Variants in SNTB2 observed in about 807,000 individuals in gnomAD.
SNTB2 encodes beta-2-syntrophin.
A neutral mutation model predicts 46.2 loss-of-function variants in SNTB2; 34 were observed. The ratio of observed to expected loss-of-function variants is 0.74; its 90% CI spans 0.56 to 0.98. The LOEUF (loss-of-function observed/expected upper bound fraction) is 0.98, where lower values mean the gene tolerates loss of function less well. SNTB2 is among the 50% of genes least tolerant of loss of function. The pLI is 0.00. For missense variants in SNTB2, 603 were observed against 731.4 expected, an observed-to-expected ratio of 0.82 and a Z score of 2.02; for synonymous variants, 290 against 312.6, an observed-to-expected ratio of 0.93 and a Z score of 0.76.
intron 1 of SNTB2, among the ~76,000 whole-genome samples, chr16:69,214,715 TG>T (rs1964329358): frequency 7.1e-6 from 1 of 141,298 alleles, no homozygotes; most frequent in Non-Finnish European, 1.6e-5. Flanking sequence ...TTAGTAGAGA[TG>T]GGGTTTCACC....
chr16:69,196,249 A>G (rs1324228925), intron 1 of SNTB2, among the ~76,000 whole-genome samples: 1 of 152,228 alleles, frequency 6.6e-6, no homozygotes, highest in Non-Finnish European at 1.5e-5. Flanking sequence ...AAAAAGAGAA[A>G]AAACAAAAGT....
At chr16:69,257,431 T>G (rs1305163099) in intron 2 of SNTB2, among the ~76,000 whole-genome samples, 1 of 149,218 alleles carries the variant, frequency 6.7e-6, no homozygotes, top group African/African-American at 2.4e-5. Flanking sequence ...ATTTATTTAT[T>G]TATTTATTTA....
At chr16:69,276,012 G>A (rs1435901362) in intron 4 of SNTB2, among the ~76,000 whole-genome samples, 2 of 152,086 alleles carry the variant, frequency 1.3e-5, no homozygotes, top group African/African-American at 4.8e-5. Context: ...GATAGTTCAG[G>A]CCAATGAGGA....
At chr16:69,192,566 TCTTC>T (rs1276385012) in intron 1 of SNTB2, among the ~76,000 whole-genome samples, 1 of 152,258 alleles carries the variant, frequency 6.6e-6, no homozygotes. Flanking sequence ...GAGAACATAT[TCTTC>T]CTTTAAAGGT....
At chr16:69,241,302 C>T (rs574361125) in intron 1 of SNTB2, among the ~76,000 whole-genome samples, 1 of 148,534 alleles carries the variant, frequency 6.7e-6, no homozygotes, top group East Asian at 2.0e-4. Flanking sequence ...TCAGCCTCCC[C>T]AGTAGCTGGG....
chr16:69,211,990 G>T (rs1964292263), intron 1 of SNTB2, among the ~76,000 whole-genome samples: 1 of 152,048 alleles, frequency 6.6e-6, no homozygotes, highest in African/African-American at 2.4e-5. Flanking sequence ...CTTTAAGGAA[G>T]AATAATCCCT....
chr16:69,241,949 AAAAG>A (rs1226106391), intron 1 of SNTB2: 121 of 151,756 alleles, frequency 8.0e-4, no homozygotes, highest in African/African-American at 2.8e-3. Context: ...AAAAAAAAAA[AAAAG>A]AAGCCACTTG....
chr16:69,295,077 TC>T (rs1965209730), intron 5 of SNTB2, among the ~76,000 whole-genome samples: 1 of 152,098 alleles, frequency 6.6e-6, no homozygotes. Flanking sequence ...TGCCTCGGCC[TC>T]CCAAAGTACT....
At position 69,301,211 on chromosome 16, in the gene SNTB2, A is replaced by T. The variant is rs1047933565; in HGVS notation, c.*287A>T. 1 of 268,402 alleles carries T rather than the reference A, an allele frequency of 3.7e-6. No homozygotes were observed. Among genetic ancestry groups the T allele is most frequent in the African/African-American group, 2.2e-5 (1 of 45,808 alleles). 16.6% of individuals were successfully genotyped at this position (268,402 alleles called of 1,614,324 possible). ...TAGGTTTATTTCTACTGCTAAAAAG[A>T]ATGGCTCATTGTTTTCTTTTTTTTT... On this transcript the variant is annotated 3_prime_UTR_variant, in exon 7 of 7. Coordinates refer to ENST00000336278, the MANE Select transcript of SNTB2 (RefSeq NM_006750.4).
intron 1 of SNTB2, among the ~76,000 whole-genome samples, chr16:69,200,283 CAA>C (rs932132431): frequency 1.3e-5 from 2 of 152,186 alleles, no homozygotes; most frequent in African/African-American, 4.8e-5. Context: ...CGTATTTTGA[CAA>C]AATGGGGAAT....
rs1965310312 is a variant in SNTB2, at chr16:69,305,571, A to G, written c.*4647A>G. On this transcript the variant is annotated 3_prime_UTR_variant, in exon 7 of 7. Transcript: ENST00000336278. ...CAAAGCAAATTGCTCTGATCAGATC[A>G]AATATCTATGTAATGAAAAGAGACT... 6.6e-6 allele frequency: 1 copy of G among 152,238 alleles called. No individual in the cohort carries two copies. Among genetic ancestry groups the G allele is most frequent in the South Asian group, 2.1e-4 (1 of 4,838 alleles). 9.4% of individuals were successfully genotyped at this position (152,238 alleles called of 1,614,324 possible).
chr16:69,292,744 C>G (rs11649435), intron 5 of SNTB2, among the ~76,000 whole-genome samples: 1 of 151,412 alleles, frequency 6.6e-6, no homozygotes, highest in African/African-American at 2.4e-5. Context: ...TGAGCCACCA[C>G]GCCCGGCCGA....
At chr16:69,279,703 T>A (rs1965020378) in intron 4 of SNTB2, among the ~76,000 whole-genome samples, 1 of 67,992 alleles carries the variant, frequency 1.5e-5, no homozygotes, top group Non-Finnish European at 3.1e-5. Flanking sequence ...TTTTTTGTAT[T>A]TTTTTTAATA....
Position 69,306,439 on chromosome 16 carries a change from T to G in SNTB2, c.*5515T>G, listed in dbSNP as rs954283977. 8 of 152,252 alleles carry G rather than the reference T, an allele frequency of 5.3e-5. No homozygotes were observed. The highest frequency in any genetic ancestry group is 7.3e-5 in the Non-Finnish European group (5 of 68,048). 9.4% of individuals were successfully genotyped at this position (152,252 alleles called of 1,614,324 possible). Reference sequence around the variant, plus strand: ...TGCTTATTCTAGTTTTAGAAGAGGATCCACATTTAATGTAAGGCATAAATA... The same window carrying G: ...TGCTTATTCTAGTTTTAGAAGAGGAGCCACATTTAATGTAAGGCATAAATA... On this transcript the variant is annotated 3_prime_UTR_variant, in exon 7 of 7. Coordinates refer to ENST00000336278, the MANE Select transcript of SNTB2 (RefSeq NM_006750.4).
At chr16:69,220,590 C>T (rs1163628472) in intron 1 of SNTB2, among the ~76,000 whole-genome samples, 1 of 151,624 alleles carries the variant, frequency 6.6e-6, no homozygotes, top group Admixed American at 6.6e-5. Flanking sequence ...TGCGGTGGCA[C>T]AATCATAGGT....
chr16:69,215,669 A>T (rs1306971031), intron 1 of SNTB2, among the ~76,000 whole-genome samples: 3 of 152,160 alleles, frequency 2.0e-5, no homozygotes, highest in Non-Finnish European at 4.4e-5. Flanking sequence ...TGTTAGTGTG[A>T]CAGGTTCATA....
rs1965305389 is a variant in SNTB2, at chr16:69,304,948, GTGA to G, written c.*4025_*4027del. 2.7e-5 allele frequency: 4 copies of G among 150,272 alleles called. No homozygotes were observed. The allele number at this position is 150,272 out of a possible 1,614,324, so 9.3% of individuals were successfully genotyped here. ...CTCCCAAAGTGCTGGGATTACAGATGTGAGCCACTGCACCTGGCCCCAGAAATT... is the reference window on the plus strand; with the variant it reads ...CTCCCAAAGTGCTGGGATTACAGATGGCCACTGCACCTGGCCCCAGAAATT... On this transcript the variant is annotated 3_prime_UTR_variant, in exon 7 of 7. Coordinates refer to ENST00000336278, the MANE Select transcript of SNTB2 (RefSeq NM_006750.4).
chr16:69,262,883 C>G (rs1281800397), intron 3 of SNTB2, among the ~76,000 whole-genome samples: 1 of 151,852 alleles, frequency 6.6e-6, no homozygotes, highest in East Asian at 1.9e-4. Flanking sequence ...ACCATGTTGG[C>G]CAGGCTGGTG....
intron 1 of SNTB2, among the ~76,000 whole-genome samples, chr16:69,215,310 AG>A (rs1240743874): frequency 3.3e-5 from 5 of 152,274 alleles, no homozygotes; most frequent in Middle Eastern, 6.8e-3. Context: ...CCTTGAGCCC[AG>A]GAATTTGAGG....
Sources: allele counts gnomAD v4.1 joint callset (sites outside exome capture counted in the v4.1 genomes callset), GRCh38; gene constraint gnomAD v4.1.1; transcripts MANE v1.5; gene names NCBI Gene and HGNC (gene_info 2026-07-23, HGNC 2026-07-21).